The following ADI1 variants were observed in gnomAD, a reference collection of about 807,000 sequenced individuals.
ADI1 encodes acireductone dioxygenase 1.
A neutral mutation model predicts 18.7 loss-of-function variants in ADI1; 21 were observed. That is an observed-to-expected ratio of 1.13 (90% CI 0.80 to 1.62). The LOEUF (loss-of-function observed/expected upper bound fraction) is 1.62, where lower values mean the gene tolerates loss of function less well. Ranked by LOEUF, ADI1 falls within the 40% of genes most tolerant of loss-of-function variation. ADI1 has a pLI of 0.00. For missense variants in ADI1, 245 were observed against 254.9 expected, an observed-to-expected ratio of 0.96 and a Z score of 0.26; for synonymous variants, 90 against 100.1, an observed-to-expected ratio of 0.90 and a Z score of 0.60.
chr2:3,509,726 G>A (rs543218665), intron 2 of ADI1, among the ~76,000 whole-genome samples: 1 of 152,034 alleles, frequency 6.6e-6, no homozygotes, highest in South Asian at 2.1e-4. Context: ...CTAAACCCCC[G>A]TACTAAGGAA....
At chr2:3,514,936 T>G in intron 1 of ADI1, 1 of 1,493,750 alleles carries the variant, frequency 6.7e-7, no homozygotes, top group Non-Finnish European at 8.9e-7. Flanking sequence ...AATACTTTTA[T>G]AATTTATTAT....
chr2:3,500,741 G>A (rs761323151), intron 3 of ADI1, 73 bp downstream of exon 3: 7 of 1,596,854 alleles, frequency 4.4e-6, no homozygotes, highest in Middle Eastern at 1.7e-4. Context: ...AAGCCGCGCA[G>A]TTCAGCGGCA....
chr2:3,500,654 G>A (rs1179052453), intron 3 of ADI1, 160 bp downstream of exon 3: 27 of 950,552 alleles, frequency 2.8e-5, no homozygotes, highest in Middle Eastern at 2.1e-4. Context: ...CTCGGACATC[G>A]CCTGCGGCTC....
chr2:3,500,957 C>T lies in ADI1; in HGVS notation c.277G>A (p.Asp93Asn), dbSNP rs777105756. 3.8e-5 allele frequency: 61 copies of T among 1,612,894 alleles called. No homozygotes were observed. The Middle Eastern group carries it at 6.6e-4, about 17-fold the overall frequency. The change falls in exon 3 of 4, where the codon GAT becomes AAT. Residue 93 changes from aspartate (D) to asparagine (N), a missense_variant. Transcript: ENST00000327435. ...CCATCCAGGATGTAGCGGATCTCAT[C>T]GTCCAAGTGCAAATGCTCCTCGTAG... ...MFYEEHLHLD[D>N]EIRYILDGSG...
At chr2:3,515,968 C>A (rs6422709) in intron 1 of ADI1, 199,788 of 984,504 alleles carry the variant, frequency 0.2, 20,669 homozygotes, top group East Asian at 0.23. Context: ...AAAACTTAGC[C>A]TATCCACTGC....
At chr2:3,517,660 G>A (rs187085795) in intron 1 of ADI1, 36 of 152,146 alleles carry the variant, frequency 2.4e-4, no homozygotes, top group African/African-American at 8.4e-4. Context: ...CAGCTACTCG[G>A]GAGGCTGACA....
In ADI1 at chr2:3,500,838, A is replaced by T; in HGVS notation, c.396T>A (p.Tyr132Ter). The change falls in exon 3 of 4, where the codon TAT (tyrosine) becomes TAA (stop). Residue 132 changes from tyrosine (Y) to a stop codon, truncating the protein, a stop_gained. Transcript: ENST00000327435. LOFTEE classifies it high-confidence loss of function. ...CCTTCTCGTCCACCGTGAAGCGGTG[A>T]TAGATCCCCGCGGGGAGCGTCACCA... Reference protein sequence around the residue: ...GDMVTLPAGIYHRFTVDEKNY... With the variant: ...GDMVTLPAGI 1 of 1,614,216 alleles carries T rather than the reference A, an allele frequency of 6.2e-7. No homozygotes were observed. Among genetic ancestry groups the T allele is most frequent in the Non-Finnish European group, 8.5e-7 (1 of 1,180,012 alleles).
intron 1 of ADI1, chr2:3,516,698 T>C (rs1667416854): frequency 3.1e-6 from 3 of 979,858 alleles, no homozygotes; most frequent in Non-Finnish European, 3.6e-6. Flanking sequence ...GCTATTTTTG[T>C]CATTTTGTTA....
intron 1 of ADI1, chr2:3,515,337 T>C (rs1036859592): frequency 6.5e-6 from 1 of 153,926 alleles, no homozygotes; most frequent in African/African-American, 2.4e-5. Flanking sequence ...TCTTATGCGG[T>C]TGAGATAAGG....
intron 2 of ADI1, among the ~76,000 whole-genome samples, chr2:3,502,278 G>C (rs1667040791): frequency 6.6e-6 from 1 of 152,090 alleles, no homozygotes; most frequent in Non-Finnish European, 1.5e-5. Context: ...TGATCCTCCT[G>C]CCTTGGCCTC....
chr2:3,501,559 A>G (rs1053403189), intron 2 of ADI1, among the ~76,000 whole-genome samples: 2 of 151,856 alleles, frequency 1.3e-5, no homozygotes, highest in African/African-American at 4.8e-5. Context: ...TTTTAGGTGG[A>G]GTCTCGCTCT....
chr2:3,513,092 A>T (rs1258417472), intron 2 of ADI1, among the ~76,000 whole-genome samples: 1 of 152,194 alleles, frequency 6.6e-6, no homozygotes, highest in Non-Finnish European at 1.5e-5. Context: ...TCTTTTGACC[A>T]ATTTCCCCCT....
At chr2:3,500,477 T>A in intron 3 of ADI1, 2 of 457,232 alleles carry the variant, frequency 4.4e-6, no homozygotes, top group Non-Finnish European at 4.0e-6. Context: ...TAGAGATGCC[T>A]CACCGCCAAG....
At chr2:3,512,319 A>C (rs1240031855) in intron 2 of ADI1, among the ~76,000 whole-genome samples, 1 of 152,228 alleles carries the variant, frequency 6.6e-6, no homozygotes, top group Non-Finnish European at 1.5e-5. Flanking sequence ...AAACACAGCC[A>C]AGGCAATGGG....
intron 3 of ADI1, 145 bp from the exon 4 acceptor site, chr2:3,499,227 A>G: frequency 1.5e-6 from 2 of 1,366,386 alleles, no homozygotes; most frequent in Non-Finnish European, 1.9e-6. Flanking sequence ...AATTTAGGCC[A>G]CATTTTATTC....
At chr2:3,510,503 CCT>C (rs1667276422) in intron 2 of ADI1, among the ~76,000 whole-genome samples, 1 of 151,978 alleles carries the variant, frequency 6.6e-6, no homozygotes, top group African/African-American at 2.4e-5. Flanking sequence ...ATCAATGAAA[CCT>C]AAAGTTTTTT....
chr2:3,502,044 G>A (rs201062442), intron 2 of ADI1, among the ~76,000 whole-genome samples: 73,149 of 144,698 alleles, frequency 0.51, 20,904 homozygotes, highest in African/African-American at 0.82. Flanking sequence ...CACACACACA[G>A]AGACAGGGTT....
intron 1 of ADI1, chr2:3,516,593 C>A: frequency 2.3e-6 from 1 of 437,102 alleles, no homozygotes; most frequent in Non-Finnish European, 3.0e-6. Flanking sequence ...CCTCATCAGA[C>A]ACTAAATCTG....
At chr2:3,501,055 CCCACT>C (rs1666994590) in intron 2 of ADI1, 62 bp from the exon 3 acceptor site, 1 of 1,450,162 alleles carries the variant, frequency 6.9e-7, no homozygotes, top group South Asian at 1.4e-5. Flanking sequence ...CTCACACCCA[CCCACT>C]CAGCAGCCTG....
Sources: gnomAD v4.1 joint callset for allele counts (sites outside exome capture counted in the v4.1 genomes callset) on GRCh38, gnomAD v4.1.1 for gene constraint, MANE v1.5 for transcripts, NCBI Gene and HGNC (gene_info 2026-07-23, HGNC 2026-07-21) for gene names.